Variants in PLEKHA1 observed in about 807,000 individuals in gnomAD.
The protein encoded by PLEKHA1 is pleckstrin homology domain-containing family A member 1.
PLEKHA1 carries 34 observed loss-of-function variants against 52.0 expected under a neutral mutation model. The observed-to-expected ratio is 0.65, with a 90% CI of 0.50 to 0.87. PLEKHA1 has a LOEUF of 0.87. Among genes scored for constraint, PLEKHA1 ranks in the 40% least tolerant of loss-of-function variants. PLEKHA1 has a pLI of 0.00. For missense variants in PLEKHA1, 497 were observed against 504.2 expected (o/e 0.99, Z 0.14); for synonymous variants, 163 against 170.7 (o/e 0.95, Z 0.35).
chr10:122,382,219 AT>A (rs1422567548), intron 1 of PLEKHA1, among the ~76,000 whole-genome samples: 1 of 152,184 alleles, frequency 6.6e-6, no homozygotes, highest in African/African-American at 2.4e-5. Context: ...ACCACAATCA[AT>A]TTTAGAATAT....
chr10:122,400,221 G>T, intron 3 of PLEKHA1, 122 bp from the exon 4 acceptor site: 1 of 693,494 alleles, frequency 1.4e-6, no homozygotes. Flanking sequence ...TTAATTTTAA[G>T]TCTGTTTACT....
intron 11 of PLEKHA1, 27 bp downstream of exon 11, chr10:122,427,058 A>G (rs1419382537): frequency 1.1e-5 from 17 of 1,581,460 alleles, no homozygotes; most frequent in African/African-American, 5.4e-5. Flanking sequence ...CTGGGGTGAT[A>G]CTCCCTTGCG....
chr10:122,381,313 T>C (rs190021105), intron 1 of PLEKHA1, among the ~76,000 whole-genome samples: 2 of 152,272 alleles, frequency 1.3e-5, no homozygotes, highest in Non-Finnish European at 2.9e-5. Context: ...GCTGATGGAT[T>C]GGACATGGGG....
chr10:122,436,879 A>G (rs1022140759), downstream of PLEKHA1: 4 of 151,212 alleles, frequency 2.6e-5, no homozygotes, highest in African/African-American at 9.7e-5. Flanking sequence ...TTAAGGCTCC[A>G]TTGCCTCTTT....
Position 122,431,102 on chromosome 10 carries a change from A to G in PLEKHA1, c.*1164A>G, listed in dbSNP as rs1450399188. 1.3e-5 allele frequency: 2 copies of G among 151,408 alleles called. No homozygotes were observed. Among genetic ancestry groups the G allele is most frequent in the Admixed American group, 6.7e-5 (1 of 15,002 alleles). 9.4% of individuals were successfully genotyped at this position (151,408 alleles called of 1,614,324 possible). On this transcript the variant is annotated 3_prime_UTR_variant, in exon 12 of 12. Coordinates refer to ENST00000368990, the MANE Select transcript of PLEKHA1 (RefSeq NM_001001974.4). ...AATCTTTAGTTTCCGACGTTGAATTATAGACCAGTTTGAGTAAGTACTGCT... is the reference window on the plus strand; with the variant it reads ...AATCTTTAGTTTCCGACGTTGAATTGTAGACCAGTTTGAGTAAGTACTGCT...
rs755775547 is a variant in PLEKHA1, at chr10:122,424,172, T to G, written c.682-27T>G. The stretch of plus-strand genomic sequence containing the variant: ...TTTAAGAATAAACATCATGTAACTG[T>G]TTTTTTTTTTTTTTTTTTTTTGCCA... On this transcript the variant is annotated intron_variant, in intron 8 of 11. Transcript: ENST00000368990. 3.4e-5 allele frequency: 19 copies of G among 551,816 alleles called. 1 individual carries two copies. In the East Asian group the frequency reaches 1.1e-3, roughly 31 times the overall value. 34.2% of individuals were successfully genotyped at this position (551,816 alleles called of 1,614,324 possible).
At chr10:122,407,609 T>C (rs1386711625) in intron 5 of PLEKHA1, among the ~76,000 whole-genome samples, 3 of 152,206 alleles carry the variant, frequency 2.0e-5, no homozygotes, top group Admixed American at 6.5e-5. Context: ...TTGCTAGTGA[T>C]GATGAGCAGC....
chr10:122,429,706 C>G lies in PLEKHA1; in HGVS notation c.983C>G (p.Ser328Cys). 1 of 1,614,146 alleles carries G rather than the reference C, an allele frequency of 6.2e-7. No homozygotes were observed. The highest frequency in any genetic ancestry group is 8.5e-7 in the Non-Finnish European group (1 of 1,180,012). Reference protein sequence around the residue: ...AATATSHSTASRSNSLVSTFT... With the variant: ...AATATSHSTACRSNSLVSTFT... ...ACCGCCACCTCACATTCCACAGCCT[C>G]TCGCAGCAACTCTTTGGTCTCAACC... The change falls in exon 12 of 12, where the codon TCT becomes TGT. Residue 328 changes from serine to cysteine, a missense_variant. By Grantham distance (112) the Ser-to-Cys change is moderately radical (BLOSUM62 -1). Coordinates refer to ENST00000368990, the MANE Select transcript of PLEKHA1 (RefSeq NM_001001974.4).
Position 122,429,731 on chromosome 10 carries a change from C to T in PLEKHA1, c.1008C>T (p.Thr336=). 6.2e-7 allele frequency: 1 copy of T among 1,614,148 alleles called. No individual in the cohort carries two copies. Reference sequence around the variant, plus strand: ...CTCGCAGCAACTCTTTGGTCTCAACCTTTACCATGGAGAAGCGAGGATTTT... The same window carrying T: ...CTCGCAGCAACTCTTTGGTCTCAACTTTTACCATGGAGAAGCGAGGATTTT... ...TASRSNSLVS[T]FTMEKRGFYE... The change falls in exon 12 of 12, where the codon ACC becomes ACT. Residue 336 remains threonine (T), a synonymous_variant. Transcript: ENST00000368990.
chr10:122,431,973 T>C lies in PLEKHA1; in HGVS notation c.*2035T>C, dbSNP rs1590999465. ...TCACTTTAGTATTTGCAATTTGATA[T>C]ATTTCATGGTGGCAAAATATTAGCT... On this transcript the variant is annotated 3_prime_UTR_variant, in exon 12 of 12. Coordinates refer to ENST00000368990, the MANE Select transcript of PLEKHA1 (RefSeq NM_001001974.4). The C allele has an allele frequency of 6.6e-6, 1 of 152,214 alleles. No homozygotes were observed. Among genetic ancestry groups the C allele is most frequent in the East Asian group, 1.9e-4 (1 of 5,204 alleles). The allele number at this position is 152,214 out of a possible 1,614,324, so 9.4% of individuals were successfully genotyped here.
Position 122,424,897 on chromosome 10 carries a change from G to A in PLEKHA1, c.748G>A (p.Asp250Asn), listed in dbSNP as rs150206203. 5.6e-6 allele frequency: 9 copies of A among 1,606,138 alleles called. No individual in the cohort carries two copies. Among genetic ancestry groups the A allele is most frequent in the African/African-American group, 2.7e-5 (2 of 74,588 alleles). The change falls in exon 10 of 12, where the codon GAC (aspartate) becomes AAC (asparagine). Residue 250 changes from aspartate to asparagine, a missense_variant and splice_region_variant. Transcript: ENST00000368990. The part of the protein sequence containing the change: ...VHKVQECKQS[D>N]IMMRDNLFEI... ...TAATTGGATTTTTTTTTCATACAGC[G>A]ACATAATGATGAGGGACAACCTCTT...
At chr10:122,424,173 T>TC (rs1554936700) in intron 8 of PLEKHA1, 26 bp from the exon 9 acceptor site, 1 of 992,268 alleles carries the variant, frequency 1.0e-6, no homozygotes, top group Non-Finnish European at 1.3e-6. Flanking sequence ...ATGTAACTGT[T>TC]TTTTTTTTTT....
At chr10:122,408,708 T>G (rs2097060001) in intron 5 of PLEKHA1, among the ~76,000 whole-genome samples, 1 of 152,178 alleles carries the variant, frequency 6.6e-6, no homozygotes, top group African/African-American at 2.4e-5. Flanking sequence ...TATGTTAATT[T>G]TATTCCTTAA....
At position 122,393,862 on chromosome 10, in the gene PLEKHA1, G is replaced by T. The variant is rs921260862; in HGVS notation, c.141+521G>T. ...AATGACTTAACCACATGATACTCTT[G>T]CACATATGTAGTCCTTTTATTTTGT... On this transcript the variant is annotated intron_variant, in intron 2 of 11. Coordinates refer to ENST00000368990, the MANE Select transcript of PLEKHA1 (RefSeq NM_001001974.4). The surrounding 1 kb of genome is among the most constrained non-coding windows in gnomAD (Gnocchi z 4.5). 6.6e-6 allele frequency among the ~76,000 whole-genome samples: 1 copy of T among 152,014 alleles called. No individual in the cohort carries two copies. Among genetic ancestry groups the T allele is most frequent in the Non-Finnish European group, 1.5e-5 (1 of 68,000 alleles).
rs186856570 is a variant in PLEKHA1, at chr10:122,391,371, C to G, written c.-20-1810C>G. 1.1e-3 allele frequency among the ~76,000 whole-genome samples: 162 copies of G among 151,980 alleles called. 5 individuals carry two copies. In the South Asian group the frequency reaches 0.018, roughly 17 times the overall value. ...TTGCCAATTCCAAAGTAAGATTTAC[C>G]CTATATTTTCTTCTGAAAGTTTTCT... On this transcript the variant is annotated intron_variant, in intron 1 of 11. Coordinates refer to ENST00000368990, the MANE Select transcript of PLEKHA1 (RefSeq NM_001001974.4).
intron 2 of PLEKHA1, among the ~76,000 whole-genome samples, chr10:122,396,890 T>C (rs887421842): frequency 6.6e-6 from 1 of 152,104 alleles, no homozygotes; most frequent in Admixed American, 6.5e-5. Flanking sequence ...TCTTCTATAA[T>C]CCCTTCAGTT....
In PLEKHA1 at chr10:122,429,951, C is replaced by A; in HGVS notation, c.*13C>A. 6.3e-7 allele frequency: 1 copy of A among 1,593,836 alleles called. No homozygotes were observed. The highest frequency in any genetic ancestry group is 8.5e-7 in the Non-Finnish European group (1 of 1,169,956). ...CAGTGACGTGTGAGGCAGAAGCGCA[C>A]GGAGCCTGCCTGCCTCTGCCGTCCT... On this transcript the variant is annotated 3_prime_UTR_variant, in exon 12 of 12. Coordinates refer to ENST00000368990, the MANE Select transcript of PLEKHA1 (RefSeq NM_001001974.4).
At chr10:122,405,685 A>G (rs2096999731) in intron 4 of PLEKHA1, among the ~76,000 whole-genome samples, 2 of 151,980 alleles carry the variant, frequency 1.3e-5, no homozygotes, top group African/African-American at 4.8e-5. Flanking sequence ...TAACCCAGGA[A>G]TTAGACGCAT....
chr10:122,417,600 C>T (rs1461560938), intron 7 of PLEKHA1, among the ~76,000 whole-genome samples: 35 of 147,970 alleles, frequency 2.4e-4, no homozygotes, highest in African/African-American at 7.0e-4. Context: ...GAGCCGAGAT[C>T]GCGCCATTGC....
Sources: allele counts gnomAD v4.1 joint callset (sites outside exome capture counted in the v4.1 genomes callset), GRCh38; gene constraint gnomAD v4.1.1; non-coding constraint Gnocchi (gnomAD v3.1); transcripts MANE v1.5; gene names NCBI Gene and HGNC (gene_info 2026-07-23, HGNC 2026-07-21).